TOP2B: variants seen among roughly 807,000 people sequenced by gnomAD.
The protein encoded by TOP2B is DNA topoisomerase 2-beta.
A neutral mutation model predicts 193.5 loss-of-function variants in TOP2B; 51 were observed. The ratio of observed to expected loss-of-function variants is 0.26; its 90% confidence interval spans 0.21 to 0.33. The LOEUF (loss-of-function observed/expected upper bound fraction) is 0.33, where lower values mean the gene tolerates loss of function less well. TOP2B is among the 10% of genes least tolerant of loss of function. The pLI is 1.00. For missense variants in TOP2B, 1,378 were observed against 1,909.3 expected (o/e 0.72, Z 5.19); for synonymous variants, 634 against 635.7 (o/e 1.00, Z 0.04).
chr3:25,620,048 C>T lies in TOP2B; in HGVS notation c.2877G>A (p.Gln959=). Reference sequence around the variant, plus strand: ...TTCCATTTAGCATAGGTTCTAAAACCTGTTCTTTATATACCTATAAAGATT... The same window carrying T: ...TTCCATTTAGCATAGGTTCTAAAACTTGTTCTTTATATACCTATAAAGATT... ...VRTWTQVYKE[Q]VLEPMLNGTD... The change falls in exon 23 of 36, where the codon CAG becomes CAA. Residue 959 remains glutamine (Q), a synonymous_variant. Transcript: ENST00000264331. The T allele has an allele frequency of 6.6e-7, 1 of 1,525,432 alleles. No individual in the cohort carries two copies. Among genetic ancestry groups the T allele is most frequent in the Non-Finnish European group, 8.9e-7 (1 of 1,125,718 alleles). 94.5% of individuals were successfully genotyped at this position (1,525,432 alleles called of 1,614,324 possible).
chr3:25,620,969 C>G (rs556653767), intron 21 of TOP2B, among the ~76,000 whole-genome samples, 153 bp from the exon 22 acceptor site: 1 of 152,324 alleles, frequency 6.6e-6, no homozygotes, highest in South Asian at 2.1e-4. Context: ...GAATTCATAG[C>G]TTCTGTTCAT....
At chr3:25,609,122 T>C (rs1439567327) in intron 30 of TOP2B, 61 bp downstream of exon 30, 1 of 1,409,118 alleles carries the variant, frequency 7.1e-7, no homozygotes, top group African/African-American at 1.4e-5. Context: ...CTGATAATAC[T>C]AACAATACCA....
At chr3:25,653,234 AC>A (rs1314897619) in intron 1 of TOP2B, among the ~76,000 whole-genome samples, 3 of 152,184 alleles carry the variant, frequency 2.0e-5, no homozygotes, top group Non-Finnish European at 4.4e-5. Context: ...TCAAACTCTT[AC>A]CAAAAAATGA....
At chr3:25,627,148 G>T (rs768819868) in intron 16 of TOP2B, 39 bp downstream of exon 16, 1 of 1,392,218 alleles carries the variant, frequency 7.2e-7, no homozygotes, top group East Asian at 2.3e-5. Context: ...AAGGTAGGGG[G>T]ATGGCTAACA....
In TOP2B at chr3:25,598,544, C is replaced by G. The variant is rs1701992550; in HGVS notation, c.4711-67G>C. 12 of 1,242,172 alleles carry G rather than the reference C, an allele frequency of 9.7e-6. No individual in the cohort carries two copies. The South Asian group carries it at 2.1e-4, about 22-fold the overall frequency. 76.9% of individuals were successfully genotyped at this position (1,242,172 alleles called of 1,614,324 possible). A position where few individuals can be genotyped will look rare whatever the true frequency, so the allele number is the denominator to read the frequency against. On this transcript the variant is annotated intron_variant, in intron 35 of 35. Transcript: ENST00000264331. ...TAAAGACTAGTATTAAGAACTATCA[C>G]TCCTTAAACTTCGCTTATGTTTAGG...
chr3:25,664,052 A>C (rs1704004177), intron 1 of TOP2B, among the ~76,000 whole-genome samples, 177 bp downstream of exon 1: 1 of 152,174 alleles, frequency 6.6e-6, no homozygotes, highest in Non-Finnish European at 1.5e-5. Context: ...ACAGAGAAAG[A>C]AAGAAAGAAA....
rs1379249507 is a variant in TOP2B at position 25,615,306 on chromosome 3, A to G, written c.3508-18T>C. The G allele has an allele frequency of 6.3e-7, 1 of 1,594,426 alleles. No individual in the cohort carries two copies. The highest frequency in any genetic ancestry group is 8.5e-7 in the Non-Finnish European group (1 of 1,172,206). On this transcript the variant is annotated intron_variant, in intron 26 of 35. Coordinates refer to ENST00000264331, the MANE Select transcript of TOP2B (RefSeq NM_001330700.2). ...TCTCGCCCCTATAATAAAAAAGTAC[A>G]GTTTAAACATTCAATAGTTTTAAAA...
At chr3:25,654,929 GTAA>G in intron 1 of TOP2B, among the ~76,000 whole-genome samples, 1 of 152,210 alleles carries the variant, frequency 6.6e-6, no homozygotes, top group East Asian at 1.9e-4. Context: ...AGACCTAAAA[GTAA>G]TACCTAAAAC....
chr3:25,638,297 T>C lies in TOP2B; in HGVS notation c.409A>G (p.Ile137Val), dbSNP rs1246008535. Reference sequence around the variant, plus strand: ...CCTTTCCCATTATTCCAAATGCTTATAATGTTAGATTCACTGTAAAAAAAA... The same window carrying C: ...CCTTTCCCATTATTCCAAATGCTTACAATGTTAGATTCACTGTAAAAAAAA... ...KVSIDPESNI[I>V]SIWNNGKGIP... The change falls in exon 5 of 36, where the codon ATA becomes GTA. Residue 137 changes from isoleucine (I) to valine (V), a missense_variant. Transcript: ENST00000264331. The C allele has an allele frequency of 4.5e-5, 34 of 755,976 alleles. No individual in the cohort carries two copies. Among genetic ancestry groups the C allele is most frequent in the Middle Eastern group, 6.8e-4 (2 of 2,954 alleles). 46.8% of individuals were successfully genotyped at this position (755,976 alleles called of 1,614,324 possible).
intron 4 of TOP2B, among the ~76,000 whole-genome samples, chr3:25,641,301 G>T (rs961444846): frequency 6.6e-6 from 1 of 152,036 alleles, no homozygotes; most frequent in Admixed American, 6.5e-5. Flanking sequence ...AAAATTCAAA[G>T]ATATCAAACA....
At chr3:25,631,368 A>T (rs1479138717) in intron 10 of TOP2B, among the ~76,000 whole-genome samples, 1 of 152,096 alleles carries the variant, frequency 6.6e-6, no homozygotes, top group African/African-American at 2.4e-5. Context: ...ACCTAAAAGG[A>T]ACATTAGGAT....
At chr3:25,661,570 AC>A (rs1703914802) in intron 1 of TOP2B, among the ~76,000 whole-genome samples, 1 of 152,176 alleles carries the variant, frequency 6.6e-6, no homozygotes, top group Non-Finnish European at 1.5e-5. Flanking sequence ...AATTCAAGAA[AC>A]CCTGCTGCCT....
Position 25,642,329 on chromosome 3 carries a change from T to C in TOP2B, c.388A>G (p.Ile130Val), listed in dbSNP as rs553516268. 1.9e-6 allele frequency: 3 copies of C among 1,540,402 alleles called. No individual in the cohort carries two copies. The highest frequency in any genetic ancestry group is 2.4e-5 in the East Asian group (1 of 40,822). ...AACTTTAAATATACTTACGGATCAA[T>C]AGAAACTTTAATACAAGTCATGTTC... The part of the protein sequence containing the change: ...DKNMTCIKVS[I>V]DPESNIISIW... Residue 130 changes from isoleucine to valine, a missense_variant, in exon 4 of 36, where the codon ATT (isoleucine) becomes GTT (valine). By Grantham distance (29) the Ile-to-Val change is conservative (BLOSUM62 3). Around this residue, in one of 9 missense-constraint regions of TOP2B, gnomAD observed 21 missense variants for 19.6 expected, o/e 1.07. Coordinates refer to ENST00000264331, the MANE Select transcript of TOP2B (RefSeq NM_001330700.2).
At chr3:25,630,187 T>C in intron 12 of TOP2B, 33 bp from the exon 13 acceptor site, 1 of 1,530,416 alleles carries the variant, frequency 6.5e-7, no homozygotes, top group African/African-American at 1.4e-5. Context: ...GAGAGTAGTT[T>C]GAAGTGTTGA....
chr3:25,599,829 A>G (rs1268764135), intron 34 of TOP2B, among the ~76,000 whole-genome samples: 2 of 152,244 alleles, frequency 1.3e-5, no homozygotes, highest in Non-Finnish European at 2.9e-5. Context: ...TTGAGCCTGA[A>G]AAGGAAATAT....
At chr3:25,639,761 G>A (rs1045268371) in intron 4 of TOP2B, among the ~76,000 whole-genome samples, 9 of 152,174 alleles carry the variant, frequency 5.9e-5, no homozygotes, top group African/African-American at 2.2e-4. Context: ...GGCATCCCTT[G>A]TATTTAATCT....
chr3:25,654,674 T>A (rs1408826770), intron 1 of TOP2B, among the ~76,000 whole-genome samples: 1 of 152,130 alleles, frequency 6.6e-6, no homozygotes, highest in African/African-American at 2.4e-5. Context: ...ACCTCCTGAT[T>A]TCAAAACCTG....
chr3:25,633,789 A>G (rs901023741), intron 8 of TOP2B, 52 bp downstream of exon 8: 7 of 1,417,468 alleles, frequency 4.9e-6, no homozygotes, highest in Non-Finnish European at 6.6e-6. Flanking sequence ...TGTAGTTTTT[A>G]TTGAAGTACT....
chr3:25,621,111 C>T (rs573085377), intron 21 of TOP2B, among the ~76,000 whole-genome samples: 1 of 152,336 alleles, frequency 6.6e-6, no homozygotes, highest in South Asian at 2.1e-4. Flanking sequence ...AATTCAAACT[C>T]CTTGGGCCTT....
Sources: allele counts gnomAD v4.1 joint callset (sites outside exome capture counted in the v4.1 genomes callset), GRCh38; gene constraint gnomAD v4.1.1; regional missense constraint gnomAD v4.1.1; transcripts MANE v1.5; gene names NCBI Gene and HGNC (gene_info 2026-07-23, HGNC 2026-07-21).